DPP10: variants seen among roughly 807,000 people sequenced by gnomAD.
DPP10 encodes dipeptidyl peptidase like 10, also known as inactive dipeptidyl peptidase 10.
DPP10 carries 33 observed loss-of-function variants against 120.9 expected under a neutral mutation model. The observed-to-expected ratio is 0.27, with a 90% CI of 0.21 to 0.37. The LOEUF is 0.37. DPP10 is among the 10% of genes least tolerant of loss of function. DPP10 has a pLI of 1.00. For synonymous variants in DPP10, 337 were observed against 326.1 expected, an observed-to-expected ratio of 1.03 and a Z score of -0.36; for missense variants, 816 against 942.8, an observed-to-expected ratio of 0.87 and a Z score of 1.76.
intron 1 of DPP10, among the ~76,000 whole-genome samples, chr2:114,971,013 GGGAGATACAT>G (rs2104786673): frequency 6.6e-6 from 1 of 152,300 alleles, no homozygotes; most frequent in South Asian, 2.1e-4. Context: ...AGGTAATCCA[GGGAGATACAT>G]TTTGTAACAT....
At chr2:115,607,629 CA>C (rs949872409) in intron 5 of DPP10, among the ~76,000 whole-genome samples, 8 of 152,122 alleles carry the variant, frequency 5.3e-5, no homozygotes, top group African/African-American at 1.9e-4. Flanking sequence ...ATCATTAATT[CA>C]TTTTTTACTT....
chr2:114,559,891 C>CAAAAAAAAAAAAAAAAAAAAAAAAAAGA (rs60833358), intron 1 of DPP10, among the ~76,000 whole-genome samples: 1 of 65,930 alleles, frequency 1.5e-5, no homozygotes, highest in Non-Finnish European at 3.1e-5. Context: ...AGAAAAAAAG[C>CAAAAAAAAAAAAAAAAAAAAAAAAAAGA]AAAAAAAAAA....
chr2:114,575,906 T>G (rs1336609152), intron 1 of DPP10, among the ~76,000 whole-genome samples: 1 of 151,912 alleles, frequency 6.6e-6, no homozygotes, highest in Non-Finnish European at 1.5e-5. Flanking sequence ...CTCCAGACAA[T>G]AAACTTAAAG....
chr2:115,471,951 A>C (rs746068455), intron 3 of DPP10, among the ~76,000 whole-genome samples: 11 of 151,962 alleles, frequency 7.2e-5, no homozygotes, highest in Non-Finnish European at 1.0e-4. Flanking sequence ...TGGTGACATT[A>C]CTTATATTTT....
chr2:115,376,849 A>G (rs1182540157), intron 3 of DPP10, among the ~76,000 whole-genome samples: 5 of 149,390 alleles, frequency 3.3e-5, no homozygotes, highest in East Asian at 2.0e-4. Flanking sequence ...ATGATTTCCA[A>G]TTTCATCCAT....
chr2:114,585,581 G>T (rs2105117122), intron 1 of DPP10, among the ~76,000 whole-genome samples: 1 of 152,280 alleles, frequency 6.6e-6, no homozygotes, highest in South Asian at 2.1e-4. Context: ...TTTGAATTCT[G>T]CCTATCACTG....
intron 3 of DPP10, among the ~76,000 whole-genome samples, chr2:115,413,751 G>A (rs897369655): frequency 6.6e-6 from 1 of 152,136 alleles, no homozygotes; most frequent in Admixed American, 6.5e-5. Context: ...CCTAGTTTCC[G>A]AGTCAAAGCC....
intron 1 of DPP10, among the ~76,000 whole-genome samples, chr2:114,598,616 A>G (rs1189369320): frequency 2.0e-5 from 3 of 151,942 alleles, no homozygotes; most frequent in Non-Finnish European, 4.4e-5. Flanking sequence ...AGTGGCAAGT[A>G]GAGAGAATAT....
chr2:114,870,137 G>T (rs1690567462), intron 1 of DPP10, among the ~76,000 whole-genome samples: 1 of 152,150 alleles, frequency 6.6e-6, no homozygotes, highest in Non-Finnish European at 1.5e-5. Flanking sequence ...CTGGGCACAT[G>T]ATTTTTGTTC....
At chr2:115,540,892 T>G (rs550760656) in intron 5 of DPP10, among the ~76,000 whole-genome samples, 88 of 151,964 alleles carry the variant, frequency 5.8e-4, no homozygotes, top group African/African-American at 2.0e-3. Flanking sequence ...GGGAGAGCAT[T>G]TTATTAATAA....
chr2:114,925,214 A>AG (rs1273753961), intron 1 of DPP10, among the ~76,000 whole-genome samples: 1 of 93,550 alleles, frequency 1.1e-5, no homozygotes, highest in Non-Finnish European at 2.5e-5. Flanking sequence ...CTGTCTCAAA[A>AG]AAAAAAAAAA....
intron 5 of DPP10, among the ~76,000 whole-genome samples, chr2:115,626,452 T>C (rs1206471820): frequency 6.6e-6 from 1 of 152,110 alleles, no homozygotes; most frequent in Non-Finnish European, 1.5e-5. Flanking sequence ...ATCTGACTTT[T>C]CTATATTTCA....
At chr2:115,636,810 ATAACT>A (rs958089490) in intron 5 of DPP10, among the ~76,000 whole-genome samples, 1 of 152,198 alleles carries the variant, frequency 6.6e-6, no homozygotes, top group African/African-American at 2.4e-5. Context: ...TGGTGGATAA[ATAACT>A]TAAACAGGGA....
chr2:114,691,028 C>T (rs1699707638), intron 1 of DPP10, among the ~76,000 whole-genome samples: 1 of 152,022 alleles, frequency 6.6e-6, no homozygotes, highest in Non-Finnish European at 1.5e-5. Flanking sequence ...GATAATCTGA[C>T]TTCCTCTCTT....
chr2:115,205,149 G>A (rs1326547473), intron 1 of DPP10, among the ~76,000 whole-genome samples: 5 of 152,096 alleles, frequency 3.3e-5, no homozygotes, highest in South Asian at 2.1e-4. Flanking sequence ...TGGGGACTTA[G>A]TCATAGATTC....
intron 1 of DPP10, among the ~76,000 whole-genome samples, chr2:114,788,177 T>TA (rs201746051): frequency 1.3e-5 from 2 of 152,190 alleles, no homozygotes; most frequent in African/African-American, 4.8e-5. Flanking sequence ...TTGAACTATA[T>TA]AAAAAATGAC....
chr2:115,522,208 G>A (rs1306642960), intron 4 of DPP10, among the ~76,000 whole-genome samples: 2 of 152,014 alleles, frequency 1.3e-5, no homozygotes, highest in South Asian at 2.1e-4. Context: ...TTAAATAGGC[G>A]GTCTGATTAC....
intron 1 of DPP10, among the ~76,000 whole-genome samples, chr2:114,904,422 A>C (rs1035772596): frequency 2.0e-5 from 3 of 152,204 alleles, no homozygotes; most frequent in Admixed American, 2.0e-4. Flanking sequence ...TAGCTTAGGA[A>C]ATTTCTAGGC....
rs2150065749 is a variant in DPP10 at position 115,822,492 on chromosome 2, C to T, written c.1950+6763C>T. Among the ~76,000 whole-genome samples, 4 of 151,988 alleles carry T rather than the reference C, an allele frequency of 2.6e-5. No homozygotes were observed. The South Asian group carries it at 8.3e-4, about 32-fold the overall frequency. The stretch of plus-strand genomic sequence containing the variant: ...GTATCTTTTCTAAAAAGAAAATACA[C>T]CATAGGGATTTCTTATGTGAATTGT... On this transcript the variant is annotated intron_variant, in intron 21 of 25. Coordinates refer to ENST00000410059, the MANE Select transcript of DPP10 (RefSeq NM_020868.6).
Sources: gnomAD v4.1 joint callset for allele counts (sites outside exome capture counted in the v4.1 genomes callset) on GRCh38, gnomAD v4.1.1 for gene constraint, MANE v1.5 for transcripts, NCBI Gene and HGNC (gene_info 2026-07-23, HGNC 2026-07-21) for gene names.